Variants in ZFP1 observed in about 807,000 individuals in gnomAD.
The protein encoded by ZFP1 is ZFP1 zinc finger protein.
Under a neutral mutation model 38.5 loss-of-function variants are expected in ZFP1, and 32 were observed. The ratio of observed to expected loss-of-function variants is 0.83; its 90% CI spans 0.63 to 1.12. The LOEUF (loss-of-function observed/expected upper bound fraction) is 1.12. ZFP1 is among the 50% of genes most tolerant of loss of function. The probability of loss-of-function intolerance (pLI) is 0.00; values close to 1 mark genes in which losing one functional copy is unlikely to be tolerated. For missense variants in ZFP1, 616 were observed against 480.8 expected, an observed-to-expected ratio of 1.28 and a Z score of -2.63; for synonymous variants, 245 against 168.8, an observed-to-expected ratio of 1.45 and a Z score of -3.50.
At position 75,170,524 on chromosome 16, in the gene ZFP1, T is replaced by A. The variant is rs2038368041; in HGVS notation, c.*190T>A. On this transcript the variant is annotated 3_prime_UTR_variant, in exon 4 of 4. Coordinates refer to ENST00000570010, the MANE Select transcript of ZFP1 (RefSeq NM_153688.4). Reference sequence around the variant, plus strand: ...TTACATGTGATACCCAGCTAAAGAATACATATCAGAATATATCCAGTTGTA... The same window carrying A: ...TTACATGTGATACCCAGCTAAAGAAAACATATCAGAATATATCCAGTTGTA... 2.4e-6 allele frequency: 2 copies of A among 816,848 alleles called. No individual in the cohort carries two copies. Among genetic ancestry groups the A allele is most frequent in the East Asian group, 5.7e-5 (2 of 35,186 alleles). 50.6% of individuals were successfully genotyped at this position (816,848 alleles called of 1,614,324 possible). A position where few individuals can be genotyped will look rare whatever the true frequency, so the allele number is the denominator to read the frequency against.
At chr16:75,132,117 G>A in the ZFP1 span, among the ~76,000 whole-genome samples, 1 of 152,164 alleles carries the variant, frequency 6.6e-6, no homozygotes, top group Admixed American at 6.5e-5. Context: ...GCCAGGCATG[G>A]TGGCTCACAC....
the ZFP1 span, among the ~76,000 whole-genome samples, chr16:75,125,947 C>T: frequency 2.0e-5 from 3 of 146,348 alleles, no homozygotes; most frequent in Non-Finnish European, 3.0e-5. Flanking sequence ...GAGGCTGAGG[C>T]AAGGAGAATC....
chr16:75,166,472 C>T lies in ZFP1; in HGVS notation c.16-298C>T, dbSNP rs550600146. 1.4e-4 allele frequency: 126 copies of T among 887,722 alleles called. 1 individual carries two copies. In the African/African-American group the frequency reaches 1.9e-3, roughly 14 times the overall value. The allele number at this position is 887,722 out of a possible 1,614,324, so 55.0% of individuals were successfully genotyped here. A position where few individuals can be genotyped will look rare whatever the true frequency, so the allele number is the denominator to read the frequency against. ...AACTCCCGACCTCAAGTGATTCCCC[C>T]GCCCACCTAGCCTCCCAAAGTGCTG... On this transcript the variant is annotated intron_variant, in intron 2 of 3. Coordinates refer to ENST00000570010, the MANE Select transcript of ZFP1 (RefSeq NM_153688.4).
At chr16:75,164,288 T>A (rs1294373413) in intron 2 of ZFP1, among the ~76,000 whole-genome samples, 1 of 151,708 alleles carries the variant, frequency 6.6e-6, no homozygotes, top group East Asian at 1.9e-4. Flanking sequence ...GATTACTGAT[T>A]TTATCTGCTT....
chr16:75,149,090 G>C (rs1342497533), intron 1 of ZFP1: 2 of 152,122 alleles, frequency 1.3e-5, no homozygotes, highest in Admixed American at 1.3e-4. Flanking sequence ...GTCAGTTGCC[G>C]GTGGTGAAGG....
At chr16:75,150,925 G>A (rs1246150103) in intron 1 of ZFP1, among the ~76,000 whole-genome samples, 16 of 152,272 alleles carry the variant, frequency 1.1e-4, no homozygotes, top group Non-Finnish European at 8.8e-5. Context: ...TTTTGCCTCA[G>A]CCTCCCGAGT....
At chr16:75,143,431 A>G in the ZFP1 span, among the ~76,000 whole-genome samples, 20,974 of 151,858 alleles carry the variant, frequency 0.14, 2,114 homozygotes, top group East Asian at 0.57. Context: ...TTTTTAGTAG[A>G]GATGGGGTTT....
At chr16:75,168,125 G>A (rs1201461108) in intron 3 of ZFP1, among the ~76,000 whole-genome samples, 1 of 152,128 alleles carries the variant, frequency 6.6e-6, no homozygotes, top group Non-Finnish European at 1.5e-5. Flanking sequence ...CCAAAGTGCT[G>A]GGATTACAGG....
At chr16:75,132,073 T>C in the ZFP1 span, among the ~76,000 whole-genome samples, 1 of 152,128 alleles carries the variant, frequency 6.6e-6, no homozygotes, top group African/African-American at 2.4e-5. Context: ...CCTTCCTTTT[T>C]TCATGGCATG....
chr16:75,149,250 A>C (rs1483854158), intron 1 of ZFP1: 1 of 152,214 alleles, frequency 6.6e-6, no homozygotes, highest in East Asian at 1.9e-4. Flanking sequence ...AAGGTCTCAC[A>C]ACCCGGTGGT....
the ZFP1 span, chr16:75,126,270 C>T: frequency 2.0e-5 from 3 of 152,222 alleles, no homozygotes; most frequent in South Asian, 4.1e-4. Context: ...CTGCCTCAGC[C>T]TCCCAAGTAG....
intron 3 of ZFP1, among the ~76,000 whole-genome samples, chr16:75,168,518 A>G (rs539884093): frequency 6.8e-6 from 1 of 147,030 alleles, no homozygotes; most frequent in East Asian, 2.0e-4. Context: ...GATAGTGAAA[A>G]CATGTTCACT....
chr16:75,120,812 G>T, the ZFP1 span, among the ~76,000 whole-genome samples: 43 of 148,654 alleles, frequency 2.9e-4, no homozygotes, highest in Non-Finnish European at 5.7e-4. Flanking sequence ...ATTTTTAGTA[G>T]AGACGGGTTT....
the ZFP1 span, among the ~76,000 whole-genome samples, chr16:75,141,754 A>AG: frequency 6.6e-6 from 1 of 151,620 alleles, no homozygotes; most frequent in African/African-American, 2.4e-5. Flanking sequence ...AAAAAAAAAA[A>AG]AGAGAGAAAA....
At chr16:75,166,071 C>G (rs1400794965) in intron 2 of ZFP1, among the ~76,000 whole-genome samples, 1 of 152,020 alleles carries the variant, frequency 6.6e-6, no homozygotes, top group Non-Finnish European at 1.5e-5. Context: ...CTTACTTGTA[C>G]CTGGTATTTT....
At chr16:75,139,178 G>A in the ZFP1 span, among the ~76,000 whole-genome samples, 78,840 of 151,342 alleles carry the variant, frequency 0.52, 21,517 homozygotes, top group East Asian at 0.7. Context: ...GACCATCCTC[G>A]CTAACACGGC....
chr16:75,131,613 A>G, the ZFP1 span, among the ~76,000 whole-genome samples: 4 of 152,014 alleles, frequency 2.6e-5, no homozygotes, highest in Non-Finnish European at 5.9e-5. Flanking sequence ...CCCCTGCCAT[A>G]TTTGAATGAG....
chr16:75,165,695 A>G (rs1381866115), intron 2 of ZFP1, among the ~76,000 whole-genome samples: 2 of 151,840 alleles, frequency 1.3e-5, no homozygotes, highest in Non-Finnish European at 1.5e-5. Flanking sequence ...GGGGTTTTAA[A>G]TCAGTTTTGT....
the ZFP1 span, among the ~76,000 whole-genome samples, chr16:75,120,966 G>A: frequency 6.6e-6 from 1 of 152,080 alleles, no homozygotes; most frequent in African/African-American, 2.4e-5. Context: ...TAGACACTTA[G>A]AAATGTCTTT....
Sources: gnomAD v4.1 joint callset for allele counts (sites outside exome capture counted in the v4.1 genomes callset) on GRCh38, gnomAD v4.1.1 for gene constraint, MANE v1.5 for transcripts, NCBI Gene and HGNC (gene_info 2026-07-23, HGNC 2026-07-21) for gene names.